Variants in CHAC1 observed in about 807,000 individuals in gnomAD.
CHAC1 encodes glutathione-specific gamma-glutamylcyclotransferase 1.
A neutral mutation model predicts 22.1 loss-of-function variants in CHAC1; 22 were observed. The observed-to-expected ratio is 1.00, with a 90% CI of 0.71 to 1.42. The LOEUF (loss-of-function observed/expected upper bound fraction) is 1.42. CHAC1 is among the 40% of genes most tolerant of loss of function. The pLI, the probability that CHAC1 is intolerant of heterozygous loss-of-function variation, is 0.00. For missense variants in CHAC1, 272 were observed against 299.2 expected (o/e 0.91, Z 0.67); for synonymous variants, 145 against 128.7 (o/e 1.13, Z -0.86).
rs148018503 is a variant in CHAC1, at chr15:40,954,236, T to C, written c.240T>C (p.Arg80=). 30 of 1,613,990 alleles carry C rather than the reference T, an allele frequency of 1.9e-5. No individual in the cohort carries two copies. The Middle Eastern group carries it at 8.3e-4, about 44-fold the overall frequency. ...ATTTCTTCCCTCCCTAGCCTGGCCG[T>C]GTGGTGACGCTCCTTGAAGATCATG... The part of the protein sequence containing the change: ...FHRGSDKMPG[R]VVTLLEDHEG... The change falls in exon 2 of 3, where the codon CGT becomes CGC. Residue 80 remains arginine (R), a synonymous_variant. Transcript: ENST00000617768.
In CHAC1 at chr15:40,954,237, G is replaced by A; in HGVS notation, c.241G>A (p.Val81Met). Residue 81 changes from valine to methionine, a missense_variant, in exon 2 of 3, where the codon GTG becomes ATG. Val to Met is a conservative substitution (Grantham distance 21). Transcript: ENST00000617768. The part of the protein sequence containing the change: ...HRGSDKMPGR[V>M]VTLLEDHEGC... Reference sequence around the variant, plus strand: ...TTTCTTCCCTCCCTAGCCTGGCCGTGTGGTGACGCTCCTTGAAGATCATGA... The same window carrying A: ...TTTCTTCCCTCCCTAGCCTGGCCGTATGGTGACGCTCCTTGAAGATCATGA... The A allele has an allele frequency of 6.2e-7, 1 of 1,614,126 alleles. No homozygotes were observed. Among genetic ancestry groups the A allele is most frequent in the Non-Finnish European group, 8.5e-7 (1 of 1,180,036 alleles).
rs577689467 is a variant in CHAC1, at chr15:40,953,928, G to A, written c.231+114G>A. On this transcript the variant is annotated intron_variant, in intron 1 of 2. Transcript: ENST00000617768. ...CCAATAGAAAGAAATGTGTAAACCT[G>A]TGTCTGGGGTTTGTGGCTCATTTAA... 93 of 825,874 alleles carry A rather than the reference G, an allele frequency of 1.1e-4. 1 individual carries two copies. Among genetic ancestry groups the A allele is most frequent in the Non-Finnish European group, 1.7e-4 (90 of 538,650 alleles). 51.2% of individuals were successfully genotyped at this position (825,874 alleles called of 1,614,324 possible).
At chr15:40,954,899 C>T (rs1415043148) in intron 2 of CHAC1, among the ~76,000 whole-genome samples, 1 of 143,822 alleles carries the variant, frequency 7.0e-6, no homozygotes, top group African/African-American at 2.6e-5. Context: ...GCTACTGCAC[C>T]TGGCCTCAAC....
intron 1 of CHAC1, 80 bp downstream of exon 1, chr15:40,953,894 C>A: frequency 1.8e-6 from 2 of 1,085,252 alleles, no homozygotes; most frequent in Non-Finnish European, 2.6e-6. Flanking sequence ...ATGTCCGGGG[C>A]TCTCTGGGCC....
At position 40,953,603 on chromosome 15, in the gene CHAC1, C is replaced by G; in HGVS notation, c.20C>G (p.Ala7Gly). ...GGCACCATGAAGCAGGAGTCTGCAG[C>G]CCCGAACACCCCGCCCACCTCGCAG... Reference protein sequence around the residue: MKQESAAPNTPPTSQSP... With the variant: MKQESAGPNTPPTSQSP... The change falls in exon 1 of 3, where the codon GCC becomes GGC. Residue 7 changes from alanine (A) to glycine (G), a missense_variant. Transcript: ENST00000617768. 3 of 1,610,002 alleles carry G rather than the reference C, an allele frequency of 1.9e-6. No homozygotes were observed. Among genetic ancestry groups the G allele is most frequent in the Non-Finnish European group, 8.5e-7 (1 of 1,179,854 alleles).
rs1215854977 is a variant in CHAC1 at position 40,955,251 on chromosome 15, C to T, written c.268-122C>T. On this transcript the variant is annotated intron_variant, in intron 2 of 2. Transcript: ENST00000617768. ...CTTGAGGTACTGCCACCAGATGGCTCATCAGCCGACCACAGCCTCCCTTAT... is the reference window on the plus strand; with the variant it reads ...CTTGAGGTACTGCCACCAGATGGCTTATCAGCCGACCACAGCCTCCCTTAT... The T allele has an allele frequency of 4.8e-6, 5 of 1,036,662 alleles. No homozygotes were observed. In the East Asian group the frequency reaches 9.9e-5, roughly 20 times the overall value. The allele number at this position is 1,036,662 out of a possible 1,614,324, so 64.2% of individuals were successfully genotyped here.
intron 2 of CHAC1, among the ~76,000 whole-genome samples, chr15:40,954,581 T>G (rs1235247499): frequency 6.6e-6 from 1 of 151,330 alleles, no homozygotes; most frequent in East Asian, 1.9e-4. Flanking sequence ...AACTGTTTTT[T>G]TTTTTTGTTG....
intron 2 of CHAC1, among the ~76,000 whole-genome samples, chr15:40,954,575 G>GTTT (rs56101122): frequency 2.0e-5 from 3 of 149,810 alleles, no homozygotes; most frequent in East Asian, 2.0e-4. Context: ...TTTGTCAACT[G>GTTT]TTTTTTTTTT....
chr15:40,954,466 G>A (rs950942952), intron 2 of CHAC1, among the ~76,000 whole-genome samples: 5 of 152,186 alleles, frequency 3.3e-5, no homozygotes. Context: ...ATGAGAATGG[G>A]TCCTGAGACA....
At chr15:40,954,375 G>A in intron 2 of CHAC1, 112 bp downstream of exon 2, 1 of 1,084,956 alleles carries the variant, frequency 9.2e-7, no homozygotes, top group Non-Finnish European at 1.4e-6. Flanking sequence ...TTCTCTGGCA[G>A]AGTAGAAACG....
chr15:40,953,706 G>A lies in CHAC1; in HGVS notation c.123G>A (p.Leu41=). The A allele has an allele frequency of 6.2e-7, 1 of 1,606,450 alleles. No individual in the cohort carries two copies. Residue 41 remains leucine (L), a synonymous_variant, in exon 1 of 3, where the codon CTG becomes CTA. Coordinates refer to ENST00000617768, the MANE Select transcript of CHAC1 (RefSeq NM_024111.6). Reference sequence around the variant, plus strand: ...TGTGGATTTTCGGGTACGGCTCCCTGGTGTGGAGGCCCGACTTCGCCTACA... The same window carrying A: ...TGTGGATTTTCGGGTACGGCTCCCTAGTGTGGAGGCCCGACTTCGCCTACA... The part of the protein sequence containing the change: ...QALWIFGYGS[L]VWRPDFAYSD...
In CHAC1 at chr15:40,955,790, C is replaced by T. The variant is rs753182576; in HGVS notation, c.*16C>T. On this transcript the variant is annotated 3_prime_UTR_variant, in exon 3 of 3. Coordinates refer to ENST00000617768, the MANE Select transcript of CHAC1 (RefSeq NM_024111.6). The stretch of plus-strand genomic sequence containing the variant: ...GCTGGTGTGAGGGGCTGAGCCCCTG[C>T]GGGGAGTGCTCATGTGGACATCAGG... The T allele has an allele frequency of 2.8e-5, 44 of 1,571,322 alleles. No homozygotes were observed. The highest frequency in any genetic ancestry group is 3.5e-5 in the Admixed American group (2 of 57,224).
At position 40,956,014 on chromosome 15, in the gene CHAC1, C is replaced by G. The variant is rs1026953493; in HGVS notation, c.*240C>G. 1 of 528,450 alleles carries G rather than the reference C, an allele frequency of 1.9e-6. No homozygotes were observed. The highest frequency in any genetic ancestry group is 3.4e-6 in the Non-Finnish European group (1 of 298,204). The allele number at this position is 528,450 out of a possible 1,614,324, so 32.7% of individuals were successfully genotyped here. ...GTGTGGTGGGCAGGTGGAGGGCCTG[C>G]CCTGGACACAGGGGCCCTGCTGAGC... On this transcript the variant is annotated 3_prime_UTR_variant, in exon 3 of 3. Transcript: ENST00000617768.
intron 2 of CHAC1, among the ~76,000 whole-genome samples, chr15:40,955,019 G>A (rs890064983): frequency 1.3e-5 from 2 of 150,470 alleles, no homozygotes; most frequent in African/African-American, 2.5e-5. Flanking sequence ...TCACCCTCCC[G>A]AGTAGCTGGG....
chr15:40,954,810 G>C (rs772266256), intron 2 of CHAC1, among the ~76,000 whole-genome samples: 8 of 151,646 alleles, frequency 5.3e-5, no homozygotes, highest in Admixed American at 5.3e-4. Flanking sequence ...CACCATATTG[G>C]CCAGGCTGGT....
chr15:40,953,631 C>T lies in CHAC1; in HGVS notation c.48C>T (p.Ser16=), dbSNP rs761750446. 4 of 1,609,834 alleles carry T rather than the reference C, an allele frequency of 2.5e-6. No individual in the cohort carries two copies. Among genetic ancestry groups the T allele is most frequent in the East Asian group, 4.5e-5 (2 of 44,880 alleles). ...CGAACACCCCGCCCACCTCGCAGTC[C>T]CCTACGCCGTCCGCTCAGTTCCCCC... The part of the protein sequence containing the change: ...AAPNTPPTSQ[S]PTPSAQFPRN... Residue 16 remains serine (S), a synonymous_variant, in exon 1 of 3, where the codon TCC becomes TCT. Coordinates refer to ENST00000617768, the MANE Select transcript of CHAC1 (RefSeq NM_024111.6).
Position 40,953,720 on chromosome 15 carries a change from ACTTCGCCTACAGCGACAGCCGTGTGGG to A in CHAC1, c.143_169del (p.Ala48_Phe56del). 2 of 1,604,590 alleles carry A rather than the reference ACTTCGCCTACAGCGACAGCCGTGTGGG, an allele frequency of 1.2e-6. No individual in the cohort carries two copies. The highest frequency in any genetic ancestry group is 8.5e-7 in the Non-Finnish European group (1 of 1,179,896). ...TACGGCTCCCTGGTGTGGAGGCCCG[ACTTCGCCTACAGCGACAGCCGTGTGGG>A]CTTCGTGCGCGGCTACAGCCGCCGT... On this transcript the variant is annotated inframe_deletion, in exon 1 of 3. Coordinates refer to ENST00000617768, the MANE Select transcript of CHAC1 (RefSeq NM_024111.6).
intron 2 of CHAC1, among the ~76,000 whole-genome samples, chr15:40,954,605 T>TG (rs1418099268): frequency 2.0e-5 from 3 of 151,870 alleles, no homozygotes; most frequent in Admixed American, 6.6e-5. Context: ...TTGTTGTTGT[T>TG]TTGTTTGTTT....
At chr15:40,954,075 C>T in intron 1 of CHAC1, 153 bp from the exon 2 acceptor site, 2 of 788,256 alleles carry the variant, frequency 2.5e-6, no homozygotes, top group Admixed American at 4.3e-5. Context: ...TACATCCGTG[C>T]ATCGCTCCCC....
Sources: gnomAD v4.1 joint callset for allele counts (sites outside exome capture counted in the v4.1 genomes callset) on GRCh38, gnomAD v4.1.1 for gene constraint, MANE v1.5 for transcripts, NCBI Gene and HGNC (gene_info 2026-07-23, HGNC 2026-07-21) for gene names.